MRAS: variants seen among roughly 807,000 people sequenced by gnomAD.
MRAS encodes ras-related protein M-Ras.
A neutral mutation model predicts 20.9 loss-of-function variants in MRAS; 4 were observed. The observed-to-expected ratio is 0.19, with a 90% CI of 0.09 to 0.44. The LOEUF is 0.44. MRAS is among the 20% of genes least tolerant of loss of function. The pLI is 0.99. For synonymous variants in MRAS, 98 were observed against 102.9 expected (o/e 0.95, Z 0.29); for missense variants, 154 against 277.5 (o/e 0.56, Z 3.16).
At chr3:138,356,843 A>G (rs764890225) in intron 1 of MRAS, among the ~76,000 whole-genome samples, 5 of 152,132 alleles carry the variant, frequency 3.3e-5, no homozygotes, top group Admixed American at 6.5e-5. Context: ...CTCCCAAGCA[A>G]TTAAGGCCAG....
chr3:138,386,190 C>A (rs1036445248), intron 2 of MRAS, among the ~76,000 whole-genome samples: 2 of 151,988 alleles, frequency 1.3e-5, no homozygotes, highest in Non-Finnish European at 2.9e-5. Context: ...TTACTGTAAT[C>A]ACTGCCAACT....
intron 1 of MRAS, among the ~76,000 whole-genome samples, chr3:138,363,816 T>C: frequency 8.7e-6 from 1 of 115,348 alleles, no homozygotes; most frequent in Non-Finnish European, 1.8e-5. Context: ...TGTTAGAGGA[T>C]TTACCCCCCC....
chr3:138,374,171 C>T (rs1157469294), intron 2 of MRAS, among the ~76,000 whole-genome samples: 1 of 151,960 alleles, frequency 6.6e-6, no homozygotes, highest in African/African-American at 2.4e-5. Context: ...CCATGTTGGC[C>T]AGGATGGTCT....
Position 138,398,565 on chromosome 3 carries a change from C to T in MRAS, c.444C>T (p.His148=). 1 of 1,613,990 alleles carries T rather than the reference C, an allele frequency of 6.2e-7. No homozygotes were observed. The highest frequency in any genetic ancestry group is 8.5e-7 in the Non-Finnish European group (1 of 1,179,918). Residue 148 remains histidine, a synonymous_variant, in exon 4 of 6, where the codon CAC becomes CAT. Transcript: ENST00000423968. The part of the protein sequence containing the change: ...REQGKEMATK[H]NIPYIETSAK... ...AAGGAAAAGAAATGGCGACCAAACA[C>T]AATGTAGGTGTGTGCGTGTGTGTAG...
intron 4 of MRAS, among the ~76,000 whole-genome samples, chr3:138,399,660 CAA>C (rs1241894571): frequency 6.6e-6 from 1 of 152,146 alleles, no homozygotes; most frequent in Admixed American, 6.5e-5. Flanking sequence ...TGAAAAATAA[CAA>C]AGTTATTCAG....
At chr3:138,377,664 C>T (rs548321198) in intron 2 of MRAS, among the ~76,000 whole-genome samples, 8 of 152,298 alleles carry the variant, frequency 5.3e-5, no homozygotes, top group African/African-American at 1.9e-4. Context: ...GAGGCCATGC[C>T]ATCTTCGGGG....
chr3:138,388,272 CTA>C (rs2055058493), intron 2 of MRAS, among the ~76,000 whole-genome samples: 1 of 152,200 alleles, frequency 6.6e-6, no homozygotes, highest in Non-Finnish European at 1.5e-5. Context: ...CCCCTCATCA[CTA>C]TGTGTGTTCA....
At chr3:138,366,282 A>T (rs767574791) in intron 1 of MRAS, among the ~76,000 whole-genome samples, 1 of 152,224 alleles carries the variant, frequency 6.6e-6, no homozygotes, top group Non-Finnish European at 1.5e-5. Context: ...GCACACCCAG[A>T]CATCATAGAG....
intron 2 of MRAS, among the ~76,000 whole-genome samples, chr3:138,394,101 GA>G (rs11299268): frequency 0.14 from 19,867 of 144,670 alleles, 1,386 homozygotes; most frequent in Non-Finnish European, 0.16. Flanking sequence ...TTTTTTCTAA[GA>G]AAAAAAAAAG....
chr3:138,403,932 C>G lies in MRAS; in HGVS notation c.*1663C>G, dbSNP rs1372219101. On this transcript the variant is annotated 3_prime_UTR_variant, in exon 6 of 6. Transcript: ENST00000423968. The stretch of plus-strand genomic sequence containing the variant: ...TGCTGTGTTCCTACCTCGGCAAGAT[C>G]ACCAGCACTGAGGGGCCCAGCTGGA... 6.6e-6 allele frequency: 1 copy of G among 152,224 alleles called. No individual in the cohort carries two copies. Among genetic ancestry groups the G allele is most frequent in the African/African-American group, 2.4e-5 (1 of 41,448 alleles). 9.4% of individuals were successfully genotyped at this position (152,224 alleles called of 1,614,324 possible).
At chr3:138,399,532 C>G (rs2055314654) in intron 4 of MRAS, among the ~76,000 whole-genome samples, 1 of 55,206 alleles carries the variant, frequency 1.8e-5, no homozygotes. Context: ...AAAACAACAA[C>G]TTACTCTGTC....
intron 2 of MRAS, among the ~76,000 whole-genome samples, chr3:138,393,028 A>C (rs559324139): frequency 6.6e-6 from 1 of 152,276 alleles, no homozygotes; most frequent in South Asian, 2.1e-4. Flanking sequence ...TATGCTATAT[A>C]TGTATGTGTG....
intron 2 of MRAS, among the ~76,000 whole-genome samples, chr3:138,376,885 C>T (rs945986902): frequency 6.6e-6 from 1 of 152,212 alleles, no homozygotes; most frequent in Non-Finnish European, 1.5e-5. Flanking sequence ...TTCTGAAACA[C>T]ATTGCATAAT....
intron 1 of MRAS, among the ~76,000 whole-genome samples, chr3:138,362,358 C>T (rs2054466694): frequency 6.6e-6 from 1 of 152,134 alleles, no homozygotes; most frequent in African/African-American, 2.4e-5. Flanking sequence ...ATGCCTCTCT[C>T]CCCTTGGTAA....
intron 2 of MRAS, among the ~76,000 whole-genome samples, chr3:138,382,660 T>C (rs2054928927): frequency 6.6e-6 from 1 of 152,176 alleles, no homozygotes; most frequent in Non-Finnish European, 1.5e-5. Flanking sequence ...CAGTGAGGCT[T>C]GGACTCAGTG....
intron 1 of MRAS, among the ~76,000 whole-genome samples, chr3:138,359,318 C>T (rs1219643723): frequency 6.6e-6 from 1 of 152,188 alleles, no homozygotes; most frequent in Non-Finnish European, 1.5e-5. Flanking sequence ...GTCCTTCTTC[C>T]TCCGCATCTG....
chr3:138,398,314 C>A (rs1244958191), intron 3 of MRAS, among the ~76,000 whole-genome samples, 155 bp from the exon 4 acceptor site: 1 of 152,230 alleles, frequency 6.6e-6, no homozygotes, highest in Admixed American at 6.5e-5. Context: ...GCCCTGACCT[C>A]TCTCTGGAAA....
chr3:138,375,924 A>G (rs1212469), intron 2 of MRAS, among the ~76,000 whole-genome samples: 123,061 of 151,986 alleles, frequency 0.81, 49,955 homozygotes, highest in East Asian at 0.97. Context: ...GGAGGCAAAG[A>G]TTGCAGTGAG....
At chr3:138,388,170 G>T (rs79609026) in intron 2 of MRAS, among the ~76,000 whole-genome samples, 59 of 152,246 alleles carry the variant, frequency 3.9e-4, no homozygotes, top group African/African-American at 1.4e-3. Context: ...AACAGTGCAC[G>T]GTGAATGCAT....
Sources: gnomAD v4.1 joint callset for allele counts (sites outside exome capture counted in the v4.1 genomes callset) on GRCh38, gnomAD v4.1.1 for gene constraint, MANE v1.5 for transcripts, NCBI Gene and HGNC (gene_info 2026-07-23, HGNC 2026-07-21) for gene names.